Variants in ARSL observed in about 807,000 individuals in gnomAD.
ARSL encodes arylsulfatase E (chondrodysplasia punctata 1).
A neutral mutation model predicts 31.1 loss-of-function variants in ARSL; 4 were observed. The observed-to-expected ratio is 0.13, with a 90% CI of 0.06 to 0.29. ARSL has a LOEUF of 0.29. ARSL is among the 10% of genes least tolerant of loss of function. ARSL has a pLI of 1.00. For synonymous variants in ARSL, 198 were observed against 209.9 expected, an observed-to-expected ratio of 0.94 and a Z score of 0.49; for missense variants, 312 against 497.8, an observed-to-expected ratio of 0.63 and a Z score of 3.55.
At chrX:2,944,252 G>A (rs1379692943) in intron 7 of ARSL, among the ~76,000 whole-genome samples, 8 of 108,864 alleles carry the variant, frequency 7.3e-5, no homozygotes, top group East Asian at 2.9e-4. Context: ...TCAGCAGTTC[G>A]AGACCAGCCT....
intron 6 of ARSL, among the ~76,000 whole-genome samples, chrX:2,947,969 A>G (rs1472677136): frequency 1.8e-5 from 2 of 112,078 alleles, no homozygotes; most frequent in Non-Finnish European, 3.8e-5. Context: ...TAAAAATATA[A>G]AAGTTATCTG....
intron 3 of ARSL, among the ~76,000 whole-genome samples, chrX:2,957,577 C>T (rs1247459749): frequency 6.5e-5 from 7 of 108,212 alleles, no homozygotes; most frequent in East Asian, 3.0e-4. Flanking sequence ...GGCATGGTGG[C>T]GGGCGCCTGT....
intron 1 of ARSL, 108 bp downstream of exon 1, chrX:2,964,116 C>G: frequency 4.1e-6 from 3 of 731,077 alleles, no homozygotes; most frequent in Non-Finnish European, 4.9e-6. Flanking sequence ...ACAAACTGGG[C>G]AATTATTCAG....
chrX:2,960,518 C>T (rs991456875), intron 1 of ARSL, 98 bp from the exon 2 acceptor site: 81 of 818,347 alleles, frequency 9.9e-5, no homozygotes, highest in East Asian at 1.9e-4. Context: ...CTTTGATTCC[C>T]GTTCATGATA....
rs756547783 is a variant in ARSL, at chrX:2,958,346, G to A, written c.113C>T (p.Pro38Leu). The A allele has an allele frequency of 1.3e-5, 16 of 1,211,810 alleles. No homozygotes were observed. The highest frequency in any genetic ancestry group is 7.0e-5 in the South Asian group (4 of 56,944). The change falls in exon 3 of 11, where the codon CCG becomes CTG. Residue 38 changes from proline (P) to leucine (L), a missense_variant. Pro to Leu is a moderately conservative substitution (Grantham distance 98, BLOSUM62 -3). Transcript: ENST00000381134. Reference sequence around the variant, plus strand: ...GTCCGCCATCAGAAGAAGGATGTTCGGTCGGGAGGCGGAAATGTCGCTGGA... The same window carrying A: ...GTCCGCCATCAGAAGAAGGATGTTCAGTCGGGAGGCGGAAATGTCGCTGGA... ...SASSDISASR[P>L]NILLLMADDL... is the part of the protein sequence containing the mutation.
At chrX:2,938,965 C>T (rs2089243124) in intron 8 of ARSL, among the ~76,000 whole-genome samples, 1 of 109,931 alleles carries the variant, frequency 9.1e-6, no homozygotes, top group African/African-American at 3.3e-5. Context: ...CCCCCGGTAA[C>T]TGGGAGAGGC....
rs1233985829 is a variant in ARSL, at chrX:2,940,266, C to T, written c.1127-2009G>A. Among the ~76,000 whole-genome samples, 13 of 111,814 alleles carry T rather than the reference C, an allele frequency of 1.2e-4. No individual in the cohort carries two copies. In the South Asian group the frequency reaches 1.9e-3, roughly 16 times the overall value. ...GGAAAGGAATGAAACATTTCCACAA[C>T]ACAGATGAACCTCAGAGGCATCATG... is the stretch of plus-strand genomic sequence containing the variant. On this transcript the variant is annotated intron_variant, in intron 8 of 10. Transcript: ENST00000381134.
intron 10 of ARSL, 150 bp from the exon 11 acceptor site, chrX:2,935,340 C>CATA: frequency 2.0e-6 from 1 of 509,416 alleles, no homozygotes; most frequent in Non-Finnish European, 3.4e-6. Context: ...TCTTACATGG[C>CATA]ATACTCTGCA....
At chrX:2,938,881 A>G (rs1342115833) in intron 8 of ARSL, among the ~76,000 whole-genome samples, 1 of 110,587 alleles carries the variant, frequency 9.0e-6, no homozygotes, top group Non-Finnish European at 1.9e-5. Context: ...AGACACGGAC[A>G]CAGAGAAGAA....
At chrX:2,961,363 G>C (rs1240234781) in intron 1 of ARSL, among the ~76,000 whole-genome samples, 4 of 111,302 alleles carry the variant, frequency 3.6e-5, no homozygotes, top group South Asian at 3.8e-4. Flanking sequence ...CATGTGGCTT[G>C]TGCATGGGAC....
chrX:2,938,356 TTCTC>T, intron 8 of ARSL, 99 bp from the exon 9 acceptor site: 1 of 1,073,492 alleles, frequency 9.3e-7, no homozygotes, highest in Non-Finnish European at 1.3e-6. Flanking sequence ...TGTTTGAAGT[TTCTC>T]TCTCCCTGAG....
chrX:2,949,753 T>G lies in ARSL; in HGVS notation c.431-26A>C, dbSNP rs201367991. Reference sequence around the variant, plus strand: ...CTGAGAGGCAAAAAGGATGTTGATGTGACAAGCATCTGAGCATAACTGGAC... The same window carrying G: ...CTGAGAGGCAAAAAGGATGTTGATGGGACAAGCATCTGAGCATAACTGGAC... On this transcript the variant is annotated intron_variant, in intron 5 of 10. Coordinates refer to ENST00000381134, the MANE Select transcript of ARSL (RefSeq NM_000047.3). 3.0e-3 allele frequency: 3,574 copies of G among 1,195,793 alleles called. 5 individuals carry two copies. The highest frequency in any genetic ancestry group is 3.4e-3 in the Non-Finnish European group (3,010 of 884,516).
At chrX:2,967,541 G>A (rs1266201613), upstream of ARSL, among the ~76,000 whole-genome samples, 4 of 111,759 alleles carry the variant, frequency 3.6e-5, no homozygotes, top group East Asian at 8.3e-4. Context: ...GAGGCCAGGA[G>A]TTTGAGACCA....
chrX:2,963,709 G>T (rs773803649), intron 1 of ARSL, among the ~76,000 whole-genome samples: 97 of 102,845 alleles, frequency 9.4e-4, no homozygotes, highest in African/African-American at 3.4e-3. Flanking sequence ...CCTGGCTATT[G>T]ATTTTTTTTT....
chrX:2,945,002 GAAT>G (rs2089354156), intron 7 of ARSL, among the ~76,000 whole-genome samples: 1 of 108,996 alleles, frequency 9.2e-6, no homozygotes, highest in African/African-American at 3.4e-5. Context: ...TGAAGAAGAA[GAAT>G]AAGAAGAAGA....
intron 7 of ARSL, 105 bp from the exon 8 acceptor site, chrX:2,943,304 C>A: frequency 2.0e-6 from 2 of 1,024,587 alleles, no homozygotes. Context: ...AAGAATGAAG[C>A]CTTAGTTTTA....
At chrX:2,942,588 G>A (rs1050149545) in intron 8 of ARSL, among the ~76,000 whole-genome samples, 2 of 111,056 alleles carry the variant, frequency 1.8e-5, no homozygotes, top group African/African-American at 6.6e-5. Flanking sequence ...CACCGTGCCC[G>A]GCCACCTGGA....
At chrX:2,935,412 C>T (rs548506389) in intron 10 of ARSL, among the ~76,000 whole-genome samples, 38 of 112,232 alleles carry the variant, frequency 3.4e-4, no homozygotes, top group African/African-American at 1.1e-3. Flanking sequence ...CAAAATACTA[C>T]GCTCAGAGAA....
intron 1 of ARSL, among the ~76,000 whole-genome samples, chrX:2,962,419 G>A (rs1362367607): frequency 1.8e-5 from 2 of 111,864 alleles, no homozygotes; most frequent in Non-Finnish European, 1.9e-5. Context: ...GAAGGGCCGA[G>A]CGGCCAGTGA....
Sources: allele counts gnomAD v4.1 joint callset (sites outside exome capture counted in the v4.1 genomes callset), GRCh38; gene constraint gnomAD v4.1.1; transcripts MANE v1.5; gene names NCBI Gene and HGNC (gene_info 2026-07-23, HGNC 2026-07-21).